ITGAL: variants seen among roughly 807,000 people sequenced by gnomAD.
ITGAL encodes integrin alpha-L.
A neutral mutation model predicts 138.4 loss-of-function variants in ITGAL; 68 were observed. The observed-to-expected ratio is 0.49, with a 90% CI of 0.40 to 0.60. The LOEUF (loss-of-function observed/expected upper bound fraction) is 0.60. ITGAL is among the 20% of genes least tolerant of loss of function. ITGAL has a pLI of 0.00. For synonymous variants in ITGAL, 561 were observed against 584.3 expected (o/e 0.96, Z 0.57); for missense variants, 1,256 against 1,478.6 (o/e 0.85, Z 2.47).
intron 7 of ITGAL, among the ~76,000 whole-genome samples, chr16:30,482,723 C>T (rs2050577839): frequency 6.6e-6 from 1 of 152,100 alleles, no homozygotes; most frequent in African/African-American, 2.4e-5. Flanking sequence ...GTCTTGACAG[C>T]AGGTGTTCAT....
chr16:30,504,528 C>T (rs577250306), intron 18 of ITGAL, among the ~76,000 whole-genome samples: 2 of 152,046 alleles, frequency 1.3e-5, no homozygotes, highest in African/African-American at 4.8e-5. Context: ...CATAGTGGGA[C>T]TCCCTTTCTA....
chr16:30,510,738 C>T, intron 22 of ITGAL, 143 bp from the exon 23 acceptor site: 1 of 716,374 alleles, frequency 1.4e-6, no homozygotes, highest in Non-Finnish European at 2.4e-6. Flanking sequence ...CTCATCTTTG[C>T]AATGGGTAGA....
chr16:30,493,323 G>A (rs1314033042), intron 11 of ITGAL, among the ~76,000 whole-genome samples: 1 of 148,798 alleles, frequency 6.7e-6, no homozygotes, highest in Non-Finnish European at 1.5e-5. Context: ...TCTGTCGCCC[G>A]GGCTGGAGTG....
intron 28 of ITGAL, 135 bp from the exon 29 acceptor site, chr16:30,518,489 G>C: frequency 1.6e-6 from 1 of 620,118 alleles, no homozygotes; most frequent in Non-Finnish European, 2.9e-6. Context: ...TGCCACAATA[G>C]AGAGTTGTGT....
At chr16:30,476,767 G>A (rs988578074) in intron 4 of ITGAL, among the ~76,000 whole-genome samples, 5 of 151,938 alleles carry the variant, frequency 3.3e-5, no homozygotes, top group Non-Finnish European at 7.4e-5. Flanking sequence ...GGAGTAGCTG[G>A]GATTACAGGC....
rs377238411 is a variant in ITGAL, at chr16:30,517,692, C to G, written c.3020C>G (p.Pro1007Arg). Residue 1007 changes from proline to arginine, a missense_variant, in exon 27 of 31, where the codon CCG becomes CGG. Coordinates refer to ENST00000356798, the MANE Select transcript of ITGAL (RefSeq NM_002209.3). Reference sequence around the variant, plus strand: ...CACTATGAGGATCTGGAGAGGCTCCCGGATGCAGCTGAGGTATGGGCGTGT... The same window carrying G: ...CACTATGAGGATCTGGAGAGGCTCCGGGATGCAGCTGAGGTATGGGCGTGT... ...PCHYEDLERL[P>R]DAAEPCLPGA... is the part of the protein sequence containing the mutation. The G allele has an allele frequency of 6.2e-7, 1 of 1,614,014 alleles. No homozygotes were observed. The highest frequency in any genetic ancestry group is 8.5e-7 in the Non-Finnish European group (1 of 1,179,912).
chr16:30,504,576 C>T (rs927290542), intron 18 of ITGAL, among the ~76,000 whole-genome samples: 2 of 151,954 alleles, frequency 1.3e-5, no homozygotes, highest in African/African-American at 2.4e-5. Flanking sequence ...TGGTGCGCCC[C>T]TGTAGTCCCA....
chr16:30,513,807 C>A lies in ITGAL; in HGVS notation c.2823C>A (p.Pro941=). ...EDSTLYVSFT[P]KGPKIHQVKH... ...CCACACTCTATGTCAGTTTCACCCC[C>A]AAAGGCCCCAAGATCCACCAAGTCA... The change falls in exon 25 of 31, where the codon CCC becomes CCA. Residue 941 remains proline, a synonymous_variant. Coordinates refer to ENST00000356798, the MANE Select transcript of ITGAL (RefSeq NM_002209.3). 1 of 1,613,868 alleles carries A rather than the reference C, an allele frequency of 6.2e-7. No homozygotes were observed. The highest frequency in any genetic ancestry group is 8.5e-7 in the Non-Finnish European group (1 of 1,179,778).
chr16:30,479,648 C>CGTTTTTTTTTTTTTTTTTTTTTTTTT (rs2050524971), intron 6 of ITGAL, among the ~76,000 whole-genome samples, 187 bp downstream of exon 6: 1 of 72,830 alleles, frequency 1.4e-5, no homozygotes, highest in African/African-American at 5.6e-5. Context: ...TTCTCATTTC[C>CGTTTTTTTTTTTTTTTTTTTTTTTTT]TTTTTTTTTT....
intron 11 of ITGAL, among the ~76,000 whole-genome samples, chr16:30,493,507 A>G (rs2050755487): frequency 6.6e-6 from 1 of 151,446 alleles, no homozygotes; most frequent in Non-Finnish European, 1.5e-5. Flanking sequence ...CGATCTCCTG[A>G]CCTTGTGATC....
rs554268401 is a variant in ITGAL at position 30,499,690 on chromosome 16, T to C, written c.2145+201T>C. On this transcript the variant is annotated intron_variant, in intron 17 of 30. Transcript: ENST00000356798. ...ATATATATATGTGTATATATATGTATATATATGTGTATATATATATATGTA... is the reference window on the plus strand; with the variant it reads ...ATATATATATGTGTATATATATGTACATATATGTGTATATATATATATGTA... 4.1e-5 allele frequency: 5 copies of C among 120,850 alleles called. No homozygotes were observed. In the East Asian group the frequency reaches 1.6e-3, roughly 38 times the overall value. The allele number at this position is 120,850 out of a possible 1,614,324, so 7.5% of individuals were successfully genotyped here.
intron 17 of ITGAL, among the ~76,000 whole-genome samples, chr16:30,502,399 A>C (rs1381040975): frequency 1.1e-5 from 1 of 92,016 alleles, no homozygotes; most frequent in Non-Finnish European, 1.9e-5. Flanking sequence ...TCCATCTCAA[A>C]AAAAAAAAAA....
At chr16:30,502,718 A>T (rs1302573705) in intron 17 of ITGAL, among the ~76,000 whole-genome samples, 1 of 151,748 alleles carries the variant, frequency 6.6e-6, no homozygotes, top group Non-Finnish European at 1.5e-5. Context: ...ATTGCATTCC[A>T]GCCTGGGCAA....
At chr16:30,485,901 G>A (rs936867135) in intron 9 of ITGAL, among the ~76,000 whole-genome samples, 1 of 152,040 alleles carries the variant, frequency 6.6e-6, no homozygotes, top group Admixed American at 6.6e-5. Flanking sequence ...ACTGACCTAT[G>A]TCTTGCTGGT....
intron 6 of ITGAL, 100 bp downstream of exon 6, chr16:30,479,561 C>T (rs955990028): frequency 2.5e-6 from 3 of 1,215,806 alleles, no homozygotes; most frequent in African/African-American, 3.0e-5. Flanking sequence ...ATCCTCAGAG[C>T]CTATGGGCAT....
intron 25 of ITGAL, 127 bp downstream of exon 25, chr16:30,513,973 T>C: frequency 1.4e-6 from 1 of 723,670 alleles, no homozygotes. Flanking sequence ...TAATCCTTTC[T>C]CTAGAGTGTC....
At chr16:30,492,814 G>A (rs926694439) in intron 11 of ITGAL, among the ~76,000 whole-genome samples, 1 of 152,052 alleles carries the variant, frequency 6.6e-6, no homozygotes, top group Non-Finnish European at 1.5e-5. Flanking sequence ...AAACTGCTGG[G>A]ATTACAGGCG....
At chr16:30,497,494 TGA>T in intron 15 of ITGAL, among the ~76,000 whole-genome samples, 1 of 151,704 alleles carries the variant, frequency 6.6e-6, no homozygotes, top group Non-Finnish European at 1.5e-5. Flanking sequence ...TTTTTTCTTT[TGA>T]GAGAGAGTCT....
chr16:30,494,851 G>T lies in ITGAL; in HGVS notation c.1503+1G>T. 6.3e-7 allele frequency: 1 copy of T among 1,591,180 alleles called. No homozygotes were observed. The highest frequency in any genetic ancestry group is 2.3e-5 in the East Asian group (1 of 44,254). ...GGTGTTTATCTACCAGAGAAGACAGGTGGGGCCAGGATCTGGAGCTGAGAG... is the reference window on the plus strand; with the variant it reads ...GGTGTTTATCTACCAGAGAAGACAGTTGGGGCCAGGATCTGGAGCTGAGAG... On this transcript the variant is annotated splice_donor_variant, in intron 13 of 30. Transcript: ENST00000356798. LOFTEE classifies it high-confidence loss of function. This position sits in a 1 kb window ranked among gnomAD's most constrained non-coding sequence, Gnocchi z 4.2.
Sources: allele counts gnomAD v4.1 joint callset (sites outside exome capture counted in the v4.1 genomes callset), GRCh38; gene constraint gnomAD v4.1.1; non-coding constraint Gnocchi (gnomAD v3.1); transcripts MANE v1.5; gene names NCBI Gene and HGNC (gene_info 2026-07-23, HGNC 2026-07-21).